Variants in THSD7B observed in about 807,000 individuals in gnomAD.
The protein encoded by THSD7B is thrombospondin type-1 domain-containing protein 7B.
In THSD7B, 138 loss-of-function variants were observed where a neutral mutation model predicts 213.6. That is an observed-to-expected ratio of 0.65 (90% CI 0.56 to 0.74). The LOEUF (loss-of-function observed/expected upper bound fraction) is 0.74. Ranked by LOEUF, THSD7B falls within the 30% of genes least tolerant of loss-of-function variation. THSD7B has a pLI of 0.00. For missense variants in THSD7B, 1,931 were observed against 1,991.5 expected, an observed-to-expected ratio of 0.97 and a Z score of 0.58; for synonymous variants, 742 against 687.0, an observed-to-expected ratio of 1.08 and a Z score of -1.25.
intron 12 of THSD7B, among the ~76,000 whole-genome samples, chr2:137,317,406 C>T (rs1203310078): frequency 1.3e-5 from 2 of 152,172 alleles, no homozygotes; most frequent in African/African-American, 2.4e-5. Context: ...TGCAGAGGCA[C>T]CTTTTGAAAT....
intron 2 of THSD7B, among the ~76,000 whole-genome samples, chr2:136,975,179 TG>T (rs1249445783): frequency 2.6e-5 from 4 of 152,148 alleles, no homozygotes; most frequent in African/African-American, 7.2e-5. Flanking sequence ...TTTCTTTTGC[TG>T]TGCAGAAGCT....
chr2:137,048,429 A>G (rs1299500211), intron 2 of THSD7B, among the ~76,000 whole-genome samples: 2 of 152,204 alleles, frequency 1.3e-5, no homozygotes, highest in African/African-American at 2.4e-5. Flanking sequence ...TCTCACTTGT[A>G]TATGGTATGA....
intron 1 of THSD7B, among the ~76,000 whole-genome samples, chr2:136,820,776 C>A (rs925251163): frequency 5.9e-5 from 9 of 152,030 alleles, no homozygotes; most frequent in African/African-American, 2.2e-4. Context: ...CTTGTTCTTA[C>A]AAAATACATA....
At position 137,406,633 on chromosome 2, in the gene THSD7B, T is replaced by G. The variant is rs1391061075; in HGVS notation, c.2695+826T>G. Reference sequence around the variant, plus strand: ...GCTAATTCTGTTGGTTTCAAGACCCTTTTGTCTGAATGCATTGCTTACCTG... The same window carrying G: ...GCTAATTCTGTTGGTTTCAAGACCCGTTTGTCTGAATGCATTGCTTACCTG... On this transcript the variant is annotated intron_variant, in intron 13 of 27. Transcript: ENST00000409968. Among the ~76,000 whole-genome samples, 5 of 152,348 alleles carry G rather than the reference T, an allele frequency of 3.3e-5. No individual in the cohort carries two copies. The South Asian group carries it at 1.0e-3, about 32-fold the overall frequency.
At chr2:136,885,910 G>A (rs1374541975) in intron 2 of THSD7B, among the ~76,000 whole-genome samples, 3 of 152,154 alleles carry the variant, frequency 2.0e-5, no homozygotes, top group Non-Finnish European at 4.4e-5. Context: ...GTGGGAGCAG[G>A]GAGACTAAAA....
At chr2:137,248,112 T>C (rs1682083766) in intron 10 of THSD7B, among the ~76,000 whole-genome samples, 1 of 152,202 alleles carries the variant, frequency 6.6e-6, no homozygotes, top group South Asian at 2.1e-4. Flanking sequence ...GTTAAAACTC[T>C]CCATAGGTGA....
intron 14 of THSD7B, among the ~76,000 whole-genome samples, chr2:137,426,151 T>C (rs1386803905): frequency 6.6e-6 from 1 of 152,116 alleles, no homozygotes; most frequent in Non-Finnish European, 1.5e-5. Flanking sequence ...CTGAAAACTA[T>C]AAAACATCAA....
chr2:137,137,790 C>T (rs182387669), intron 5 of THSD7B, among the ~76,000 whole-genome samples: 54 of 152,196 alleles, frequency 3.5e-4, no homozygotes, highest in Non-Finnish European at 1.6e-4. Context: ...TCCTTTCATT[C>T]TGAGTAATAT....
chr2:137,076,850 G>A (rs544374290), intron 3 of THSD7B, among the ~76,000 whole-genome samples: 1 of 151,864 alleles, frequency 6.6e-6, no homozygotes, highest in Admixed American at 6.6e-5. Flanking sequence ...TATAGTTTAA[G>A]TTTTAGGGTA....
At chr2:137,315,122 A>C (rs1223940896) in intron 12 of THSD7B, among the ~76,000 whole-genome samples, 1 of 152,104 alleles carries the variant, frequency 6.6e-6, no homozygotes, top group African/African-American at 2.4e-5. Flanking sequence ...GCCGCCTTGC[A>C]GTTTGATCTC....
chr2:137,454,186 A>C (rs1315195101), intron 15 of THSD7B, among the ~76,000 whole-genome samples: 1 of 152,132 alleles, frequency 6.6e-6, no homozygotes, highest in African/African-American at 2.4e-5. Context: ...ACTGCCATAT[A>C]ATTTTCCATA....
intron 15 of THSD7B, among the ~76,000 whole-genome samples, chr2:137,521,089 A>G (rs1680175296): frequency 1.3e-5 from 2 of 152,096 alleles, no homozygotes; most frequent in African/African-American, 2.4e-5. Flanking sequence ...TAAAATTGCT[A>G]TAGAGGCAGA....
At chr2:136,861,742 A>G (rs1376437781) in intron 1 of THSD7B, among the ~76,000 whole-genome samples, 1 of 152,262 alleles carries the variant, frequency 6.6e-6, no homozygotes, top group African/African-American at 2.4e-5. Context: ...TTGTATAACA[A>G]ATTACTTAAA....
intron 6 of THSD7B, among the ~76,000 whole-genome samples, chr2:137,170,181 C>A (rs1680217651): frequency 6.6e-6 from 1 of 152,102 alleles, no homozygotes; most frequent in South Asian, 2.1e-4. Flanking sequence ...TAATAACAAT[C>A]ATTGACCCAT....
chr2:137,434,139 A>G (rs907091168), intron 14 of THSD7B, among the ~76,000 whole-genome samples: 16 of 152,216 alleles, frequency 1.1e-4, no homozygotes, highest in African/African-American at 3.9e-4. Flanking sequence ...CAGGGAAGAC[A>G]TCTCTCAGGA....
In THSD7B at chr2:137,331,424, G is replaced by C. The variant is rs575250219; in HGVS notation, c.2500+55398G>C. Reference sequence around the variant, plus strand: ...ACTCACAAACCCTGAGCTAGACACAGGGTGCTGATTGGTGTGTTTACAAAC... The same window carrying C: ...ACTCACAAACCCTGAGCTAGACACACGGTGCTGATTGGTGTGTTTACAAAC... On this transcript the variant is annotated intron_variant, in intron 12 of 27. Coordinates refer to ENST00000409968, the MANE Select transcript of THSD7B (RefSeq NM_001316349.2). Among the ~76,000 whole-genome samples the C allele has an allele frequency of 1.7e-4, 26 of 152,332 alleles. No individual in the cohort carries two copies. In the East Asian group the frequency reaches 2.5e-3, roughly 15 times the overall value.
intron 1 of THSD7B, among the ~76,000 whole-genome samples, chr2:136,787,701 T>A (rs1035356139): frequency 6.6e-6 from 1 of 152,136 alleles, no homozygotes; most frequent in African/African-American, 2.4e-5. Context: ...CACTATATTA[T>A]TAGAAATATA....
At chr2:137,048,101 C>G in intron 2 of THSD7B, among the ~76,000 whole-genome samples, 1 of 151,700 alleles carries the variant, frequency 6.6e-6, no homozygotes. Flanking sequence ...ATGTTCCCCT[C>G]CCAGTGTCCA....
intron 10 of THSD7B, among the ~76,000 whole-genome samples, chr2:137,268,345 G>GCC (rs1428511728): frequency 1.0e-5 from 1 of 97,876 alleles, no homozygotes. Flanking sequence ...GATGTTCCCC[G>GCC]CCCTACGTCC....
Sources: gnomAD v4.1 joint callset for allele counts (sites outside exome capture counted in the v4.1 genomes callset) on GRCh38, gnomAD v4.1.1 for gene constraint, MANE v1.5 for transcripts, NCBI Gene and HGNC (gene_info 2026-07-23, HGNC 2026-07-21) for gene names.